Variants in VRK2 observed in about 807,000 individuals in gnomAD.
The protein encoded by VRK2 is VRK serine/threonine kinase 2.
In VRK2, 60 loss-of-function variants were observed where a neutral mutation model predicts 57.6. The ratio of observed to expected loss-of-function variants is 1.04; its 90% confidence interval spans 0.85 to 1.29. The LOEUF is 1.29. Among genes scored for constraint, VRK2 ranks in the 50% most tolerant of loss-of-function variants. The pLI, the probability that VRK2 is intolerant of heterozygous loss-of-function variation, is 0.00. For synonymous variants in VRK2, 231 were observed against 199.2 expected (o/e 1.16, Z -1.35); for missense variants, 705 against 588.1 (o/e 1.20, Z -2.06).
intron 1 of VRK2, among the ~76,000 whole-genome samples, chr2:57,990,325 T>C (rs1235551639): frequency 6.6e-6 from 1 of 152,228 alleles, no homozygotes; most frequent in Non-Finnish European, 1.5e-5. Flanking sequence ...TCAGTCTTTA[T>C]ACAGTTCCCC....
chr2:58,093,474 G>A (rs1270860554), intron 7 of VRK2, among the ~76,000 whole-genome samples: 4 of 152,072 alleles, frequency 2.6e-5, no homozygotes, highest in Non-Finnish European at 5.9e-5. Context: ...TTTGAGAAGT[G>A]TCTGTTCATA....
chr2:57,975,661 G>A (rs769256659), intron 1 of VRK2, among the ~76,000 whole-genome samples: 15 of 151,728 alleles, frequency 9.9e-5, no homozygotes, highest in Non-Finnish European at 1.6e-4. Flanking sequence ...CCTTCCTTTC[G>A]GAGTCCCTAC....
intron 2 of VRK2, among the ~76,000 whole-genome samples, chr2:58,057,199 G>A (rs964323752): frequency 2.0e-5 from 3 of 152,028 alleles, no homozygotes; most frequent in Non-Finnish European, 4.4e-5. Flanking sequence ...CTCTAGAACT[G>A]TTCTATTATG....
At chr2:57,999,762 T>C (rs1034904252) in intron 1 of VRK2, among the ~76,000 whole-genome samples, 2 of 152,204 alleles carry the variant, frequency 1.3e-5, no homozygotes, top group Non-Finnish European at 2.9e-5. Context: ...GTTACATAAA[T>C]CATACATACT....
intron 2 of VRK2, among the ~76,000 whole-genome samples, chr2:58,076,422 C>T (rs1264158801): frequency 6.6e-6 from 1 of 151,852 alleles, no homozygotes; most frequent in African/African-American, 2.4e-5. Flanking sequence ...AGTATCATAC[C>T]TCATATCACT....
chr2:58,003,311 A>G (rs10496085), intron 1 of VRK2, among the ~76,000 whole-genome samples: 26,114 of 152,052 alleles, frequency 0.17, 3,156 homozygotes, highest in African/African-American at 0.35. Flanking sequence ...ACTGCTTACT[A>G]TTATTTATTC....
intron 1 of VRK2, among the ~76,000 whole-genome samples, chr2:58,020,129 A>G (rs17049308): frequency 0.06 from 9,208 of 152,284 alleles, 320 homozygotes; most frequent in East Asian, 0.11. Context: ...CTAAAGTATG[A>G]TGCTTCCATA....
intron 2 of VRK2, among the ~76,000 whole-genome samples, chr2:58,076,170 T>G (rs1415318624): frequency 1.3e-5 from 2 of 150,370 alleles, no homozygotes; most frequent in African/African-American, 4.9e-5. Flanking sequence ...TACAGTTGAG[T>G]GTTCCTACTC....
In VRK2 at chr2:58,071,433, A is replaced by G. The variant is rs574622621; in HGVS notation, c.137-12656A>G. ...TCTTCCAGAAGTTTATCGTTTTTGCATTGTACATTTAGGTTTATGATCCAT... is the reference window on the plus strand; with the variant it reads ...TCTTCCAGAAGTTTATCGTTTTTGCGTTGTACATTTAGGTTTATGATCCAT... On this transcript the variant is annotated intron_variant, in intron 2 of 12. Coordinates refer to ENST00000340157, the MANE Select transcript of VRK2 (RefSeq NM_006296.7). Among the ~76,000 whole-genome samples the G allele has an allele frequency of 1.1e-4, 16 of 152,158 alleles. No homozygotes were observed. In the South Asian group the frequency reaches 3.1e-3, roughly 30 times the overall value.
intron 9 of VRK2, among the ~76,000 whole-genome samples, chr2:58,132,967 C>G (rs1679433835): frequency 6.6e-6 from 1 of 152,132 alleles, no homozygotes; most frequent in African/African-American, 2.4e-5. Flanking sequence ...TATTAACTTT[C>G]ATGTAACATT....
rs370767857 is a variant in VRK2 at position 57,959,850 on chromosome 2, G to A, written c.-439+52011G>A. Among the ~76,000 whole-genome samples, 65 of 152,176 alleles carry A rather than the reference G, an allele frequency of 4.3e-4. 1 individual carries two copies. In the South Asian group the frequency reaches 0.01, roughly 24 times the overall value. On this transcript the variant is annotated intron_variant, in intron 1 of 15. Transcript: ENST00000417641. Reference sequence around the variant, plus strand: ...AGGATGCAAAGAAAACATAGTTTTCGGTGGATGTGTTCCTCATGTCCTGAA... The same window carrying A: ...AGGATGCAAAGAAAACATAGTTTTCAGTGGATGTGTTCCTCATGTCCTGAA...
chr2:57,953,337 T>C (rs1409987788), intron 1 of VRK2, among the ~76,000 whole-genome samples: 2 of 152,230 alleles, frequency 1.3e-5, no homozygotes, highest in Admixed American at 6.5e-5. Flanking sequence ...AACATATCTT[T>C]ATGATGGATT....
intron 1 of VRK2, among the ~76,000 whole-genome samples, chr2:58,047,778 C>A (rs577485981): frequency 3.3e-5 from 5 of 152,274 alleles, no homozygotes; most frequent in Non-Finnish European, 7.4e-5. Context: ...GTTAAAGATA[C>A]ACGCAGCGAC....
At chr2:58,073,970 C>T (rs569902851) in intron 2 of VRK2, among the ~76,000 whole-genome samples, 33 of 152,114 alleles carry the variant, frequency 2.2e-4, no homozygotes, top group East Asian at 3.9e-4. Flanking sequence ...TCCCAGCCCA[C>T]GACTCAAATG....
At chr2:57,916,337 C>G (rs1465218337) in intron 1 of VRK2, among the ~76,000 whole-genome samples, 9 of 149,746 alleles carry the variant, frequency 6.0e-5, no homozygotes, top group Non-Finnish European at 1.5e-5. Context: ...ACCTGGGAGG[C>G]TGAGGTTGCG....
At chr2:58,051,568 C>T (rs1675751667) in intron 2 of VRK2, among the ~76,000 whole-genome samples, 1 of 152,182 alleles carries the variant, frequency 6.6e-6, no homozygotes, top group Non-Finnish European at 1.5e-5. Flanking sequence ...TCAAATTTTC[C>T]TGAATACTTT....
chr2:58,084,309 G>C (rs1326077536), intron 3 of VRK2, among the ~76,000 whole-genome samples, 171 bp downstream of exon 3: 1 of 151,766 alleles, frequency 6.6e-6, no homozygotes, highest in African/African-American at 2.4e-5. Flanking sequence ...TTGTTTTTCT[G>C]TATTGCCAGC....
intron 3 of VRK2, among the ~76,000 whole-genome samples, chr2:58,034,223 C>T (rs1674204287): frequency 6.6e-6 from 1 of 151,998 alleles, no homozygotes; most frequent in Non-Finnish European, 1.5e-5. Flanking sequence ...TCAGTATGGT[C>T]TGTTCTTTGC....
chr2:57,960,535 C>T (rs980721618), intron 1 of VRK2, among the ~76,000 whole-genome samples: 1 of 152,144 alleles, frequency 6.6e-6, no homozygotes, highest in Non-Finnish European at 1.5e-5. Context: ...ACATTAGCAA[C>T]ATTTTTAATG....
Sources: gnomAD v4.1 joint callset for allele counts (sites outside exome capture counted in the v4.1 genomes callset) on GRCh38, gnomAD v4.1.1 for gene constraint, MANE v1.5 for transcripts, NCBI Gene and HGNC (gene_info 2026-07-23, HGNC 2026-07-21) for gene names.